The following EHMT1 variants were observed in gnomAD, a reference collection of about 807,000 sequenced individuals.
EHMT1 encodes the protein histone-lysine N-methyltransferase EHMT1.
EHMT1 carries 15 observed loss-of-function variants against 147.2 expected under a neutral mutation model. The observed-to-expected ratio is 0.10, with a 90% confidence interval of 0.07 to 0.16. The LOEUF (loss-of-function observed/expected upper bound fraction) is 0.16, where lower values mean the gene tolerates loss of function less well. Among genes scored for constraint, EHMT1 ranks in the 10% least tolerant of loss-of-function variants. The probability of loss-of-function intolerance (pLI) is 1.00; values close to 1 mark genes in which losing one functional copy is unlikely to be tolerated. For synonymous variants in EHMT1, 795 were observed against 709.6 expected (o/e 1.12, Z -1.91); for missense variants, 1,587 against 1,772.4 (o/e 0.90, Z 1.88).
intron 1 of EHMT1, among the ~76,000 whole-genome samples, chr9:137,690,804 G>C (rs1942868122): frequency 6.6e-6 from 1 of 152,146 alleles, no homozygotes; most frequent in South Asian, 2.1e-4. Context: ...GTTACAAATT[G>C]CACTGCTGCT....
chr9:137,823,289 A>G (rs112464482), intron 25 of EHMT1, among the ~76,000 whole-genome samples: 57 of 144,184 alleles, frequency 4.0e-4, no homozygotes, highest in African/African-American at 8.6e-4. Flanking sequence ...TAGTAGAGAC[A>G]GGGTTTCACC....
intron 1 of EHMT1, among the ~76,000 whole-genome samples, chr9:137,630,605 G>A (rs1403245952): frequency 6.6e-6 from 1 of 152,142 alleles, no homozygotes; most frequent in Non-Finnish European, 1.5e-5. Context: ...CCTGATCCTC[G>A]TGAGTGTATG....
At chr9:137,691,197 T>C (rs373034067) in intron 1 of EHMT1, among the ~76,000 whole-genome samples, 4 of 152,048 alleles carry the variant, frequency 2.6e-5, no homozygotes, top group Admixed American at 6.6e-5. Flanking sequence ...CATACAGTAT[T>C]TATCTTTTGT....
chr9:137,729,601 T>A (rs1330619620), intron 4 of EHMT1, among the ~76,000 whole-genome samples: 11 of 147,742 alleles, frequency 7.4e-5, no homozygotes, highest in African/African-American at 2.6e-4. Context: ...AAAAAAAAAT[T>A]TTTTTTAATT....
At chr9:137,718,656 CCTT>C (rs1192936147) in intron 3 of EHMT1, among the ~76,000 whole-genome samples, 1 of 152,116 alleles carries the variant, frequency 6.6e-6, no homozygotes, top group African/African-American at 2.4e-5. Flanking sequence ...CAGCCCTTCC[CCTT>C]CTTGCTGTTC....
Position 137,811,591 on chromosome 9 carries a change from G to A in EHMT1, c.2843G>A (p.Arg948Gln), listed in dbSNP as rs758210139. 3 of 1,603,912 alleles carry A rather than the reference G, an allele frequency of 1.9e-6. No individual in the cohort carries two copies. Among genetic ancestry groups the A allele is most frequent in the Non-Finnish European group, 1.7e-6 (2 of 1,179,958 alleles). Reference protein sequence around the residue: ...HGDSPLHIAARENRYDCVVLF... With the variant: ...HGDSPLHIAAQENRYDCVVLF... ...GACTCGCCACTGCACATTGCCGCCC[G>A]GGAGAACCGCTACGACTGTGTCGTG... Residue 948 changes from arginine (R) to glutamine (Q), a missense_variant, in exon 19 of 27, where the codon CGG (arginine) becomes CAG (glutamine). Transcript: ENST00000460843.
intron 6 of EHMT1, among the ~76,000 whole-genome samples, chr9:137,745,274 T>G (rs945014655): frequency 4.6e-5 from 7 of 152,240 alleles, no homozygotes; most frequent in Admixed American, 1.3e-4. Context: ...TTTGGGGATG[T>G]GTTTTCTTCC....
intron 18 of EHMT1, among the ~76,000 whole-genome samples, chr9:137,805,754 C>A (rs1257135425): frequency 6.6e-6 from 1 of 152,096 alleles, no homozygotes; most frequent in Admixed American, 6.5e-5. Flanking sequence ...CCTCCGCCTC[C>A]CGGGTTCGAG....
chr9:137,676,784 T>G (rs1021181344), intron 1 of EHMT1, among the ~76,000 whole-genome samples: 2 of 152,124 alleles, frequency 1.3e-5, no homozygotes, highest in Admixed American at 1.3e-4. Flanking sequence ...AATTCCGCCT[T>G]CCGCAGGGGA....
intron 13 of EHMT1, among the ~76,000 whole-genome samples, chr9:137,779,389 T>G (rs1180490266): frequency 1.3e-5 from 2 of 152,270 alleles, no homozygotes; most frequent in Non-Finnish European, 2.9e-5. Flanking sequence ...CTGCGGTGAC[T>G]GGGAACGCAG....
chr9:137,702,014 G>A (rs563904119), intron 1 of EHMT1, among the ~76,000 whole-genome samples: 3 of 151,916 alleles, frequency 2.0e-5, no homozygotes, highest in South Asian at 2.1e-4. Context: ...GGCTCGTCTC[G>A]AACTTCTGAC....
In EHMT1 at chr9:137,776,747, A is replaced by G; in HGVS notation, c.1921A>G (p.Thr641Ala). 4 of 1,614,046 alleles carry G rather than the reference A, an allele frequency of 2.5e-6. No individual in the cohort carries two copies. Among genetic ancestry groups the G allele is most frequent in the Non-Finnish European group, 3.4e-6 (4 of 1,180,010 alleles). Residue 641 changes from threonine to alanine, a missense_variant, in exon 12 of 27, where the codon ACG (threonine) becomes GCG (alanine). Around this residue, in one of 7 missense-constraint regions of EHMT1, gnomAD observed 124 missense variants for 197.8 expected, o/e 0.63. Coordinates refer to ENST00000460843, the MANE Select transcript of EHMT1 (RefSeq NM_024757.5). This position sits in a 1 kb window ranked among gnomAD's most constrained non-coding sequence, Gnocchi z 4.4. ...GEESSKAKEV[T>A]IAKADTTSTV... is the part of the protein sequence containing the mutation. ...GGAGAGCTCCAAGGCCAAAGAGGTG[A>G]CGATAGCTAAAGCAGACACCACCTC...
intron 26 of EHMT1, 48 bp downstream of exon 26, chr9:137,834,572 T>C: frequency 6.2e-7 from 1 of 1,605,526 alleles, no homozygotes; most frequent in East Asian, 2.2e-5. Flanking sequence ...GGCGGGACGG[T>C]TTTAGGAACG....
intron 3 of EHMT1, among the ~76,000 whole-genome samples, chr9:137,726,804 C>T (rs368302146): frequency 2.0e-5 from 3 of 152,254 alleles, no homozygotes; most frequent in East Asian, 3.8e-4. Context: ...ATGCTGCTCA[C>T]TGTGGTTTCC....
intron 2 of EHMT1, 135 bp from the exon 3 acceptor site, chr9:137,716,491 G>A (rs1945295170): frequency 2.4e-6 from 1 of 419,996 alleles, no homozygotes; most frequent in Non-Finnish European, 4.2e-6. Context: ...TGTCATGGTG[G>A]GGGAGGAAGT....
chr9:137,782,543 G>A lies in EHMT1; in HGVS notation c.2382+146G>A, dbSNP rs1041211882. On this transcript the variant is annotated intron_variant, in intron 15 of 26. Transcript: ENST00000460843. The surrounding 1 kb of genome is among the most constrained non-coding windows in gnomAD (Gnocchi z 5.7). ...GCACAGAGTCAGCTTTTCTGCCCCC[G>A]AGTCCTGCAGGTGGATCAGTGCTTC... 2.7e-6 allele frequency: 2 copies of A among 748,932 alleles called. No homozygotes were observed. The highest frequency in any genetic ancestry group is 4.6e-6 in the Non-Finnish European group (2 of 438,380). 46.4% of individuals were successfully genotyped at this position (748,932 alleles called of 1,614,324 possible).
In EHMT1 at chr9:137,707,229, G is replaced by C. The variant is rs562363160; in HGVS notation, c.22-3738G>C. 1.8e-4 allele frequency among the ~76,000 whole-genome samples: 27 copies of C among 152,348 alleles called. No individual in the cohort carries two copies. The East Asian group carries it at 5.0e-3, about 28-fold the overall frequency. On this transcript the variant is annotated intron_variant, in intron 1 of 26. Transcript: ENST00000460843. ...GGAGACTTGGCAGCGCTGCTTGGGG[G>C]GGCTGGTCTCCGAAGCCAGCCTGTG...
intron 1 of EHMT1, chr9:137,665,024 G>T (rs1389327627): frequency 6.6e-6 from 1 of 152,212 alleles, no homozygotes; most frequent in Non-Finnish European, 1.5e-5. Flanking sequence ...CTCTTGGGCA[G>T]TCAACACTGA....
At position 137,816,082 on chromosome 9, in the gene EHMT1, C is replaced by A; in HGVS notation, c.3374+20C>A. On this transcript the variant is annotated intron_variant, in intron 23 of 26. Coordinates refer to ENST00000460843, the MANE Select transcript of EHMT1 (RefSeq NM_024757.5). ...TCTCAGGTGAGAGGCAGCTTCCTGCCGGAGCCCCACATTCTGCTCGTATTA... is the reference window on the plus strand; with the variant it reads ...TCTCAGGTGAGAGGCAGCTTCCTGCAGGAGCCCCACATTCTGCTCGTATTA... The A allele has an allele frequency of 6.3e-7, 1 of 1,594,858 alleles. No homozygotes were observed. Among genetic ancestry groups the A allele is most frequent in the Non-Finnish European group, 8.6e-7 (1 of 1,169,330 alleles).
Sources: allele counts gnomAD v4.1 joint callset (sites outside exome capture counted in the v4.1 genomes callset), GRCh38; gene constraint gnomAD v4.1.1; regional missense constraint gnomAD v4.1.1; non-coding constraint Gnocchi (gnomAD v3.1); transcripts MANE v1.5; gene names NCBI Gene and HGNC (gene_info 2026-07-23, HGNC 2026-07-21).